TBRG1: variants seen among roughly 807,000 people sequenced by gnomAD.
The protein encoded by TBRG1 is nuclear interactor of ARF and MDM2.
TBRG1 carries 31 observed loss-of-function variants against 44.0 expected under a neutral mutation model. The observed-to-expected ratio is 0.70, with a 90% CI of 0.53 to 0.95. The LOEUF (loss-of-function observed/expected upper bound fraction) is 0.95. TBRG1 is among the 40% of genes least tolerant of loss of function. The pLI is 0.00. For missense variants in TBRG1, 487 were observed against 496.1 expected, an observed-to-expected ratio of 0.98 and a Z score of 0.18; for synonymous variants, 171 against 188.1, an observed-to-expected ratio of 0.91 and a Z score of 0.74.
At chr11:124,632,035 A>C in intron 8 of TBRG1, 58 bp from the exon 9 acceptor site, 1 of 1,555,560 alleles carries the variant, frequency 6.4e-7, no homozygotes, top group Non-Finnish European at 8.8e-7. Flanking sequence ...ATGTCTGACC[A>C]AAACAGTCTG....
intron 1 of TBRG1, chr11:124,623,586 A>G (rs1157454063): frequency 5.4e-6 from 2 of 370,528 alleles, no homozygotes; most frequent in East Asian, 1.4e-4. Flanking sequence ...TTATTTGTAA[A>G]ATGAGAACAC....
chr11:124,623,715 A>G (rs925756244), intron 1 of TBRG1, among the ~76,000 whole-genome samples: 9 of 152,196 alleles, frequency 5.9e-5, no homozygotes, highest in African/African-American at 2.2e-4. Flanking sequence ...AGCACCTCAA[A>G]TCCCCATAAC....
chr11:124,627,220 TG>T (rs1309442171), intron 5 of TBRG1, among the ~76,000 whole-genome samples, 170 bp downstream of exon 5: 1 of 152,246 alleles, frequency 6.6e-6, no homozygotes, highest in Non-Finnish European at 1.5e-5. Context: ...AATAAGTGGT[TG>T]AGTTTGGATG....
rs1443063570 is a variant in TBRG1, at chr11:124,625,666, C to G, written c.222-5C>G. The G allele has an allele frequency of 1.3e-6, 2 of 1,550,036 alleles. No homozygotes were observed. The highest frequency in any genetic ancestry group is 2.4e-5 in the South Asian group (2 of 83,650). On this transcript the variant is annotated splice_region_variant and splice_polypyrimidine_tract_variant and intron_variant, in intron 2 of 8. Transcript: ENST00000441174. ...TTTCTCTGCTCCTTTCCTTCCTGAT[C>G]TCAGGTACTTGCTAAAGAAGCTCCT...
chr11:124,631,944 A>G (rs1273019755), intron 8 of TBRG1, 149 bp from the exon 9 acceptor site: 1 of 649,012 alleles, frequency 1.5e-6, no homozygotes, highest in Non-Finnish European at 2.7e-6. Context: ...TCATTGTAAA[A>G]GTATCTGTCC....
At chr11:124,624,830 A>G (rs887600477) in intron 1 of TBRG1, 101 bp from the exon 2 acceptor site, 1 of 772,580 alleles carries the variant, frequency 1.3e-6, no homozygotes, top group Non-Finnish European at 2.2e-6. Context: ...TCTTCTCAGT[A>G]ATACAAGCTT....
At position 124,632,748 on chromosome 11, in the gene TBRG1, A is replaced by G. The variant is rs1170729510; in HGVS notation, c.*510A>G. ...AAGGCAGCTCTCCGGGGTCCCTTTT[A>G]TAAGATCACTAAGCCGGTTCATGAG... On this transcript the variant is annotated 3_prime_UTR_variant, in exon 9 of 9. Coordinates refer to ENST00000441174, the MANE Select transcript of TBRG1 (RefSeq NM_032811.3). The G allele has an allele frequency of 1.9e-5, 3 of 154,112 alleles. No individual in the cohort carries two copies. Among genetic ancestry groups the G allele is most frequent in the Non-Finnish European group, 4.3e-5 (3 of 69,538 alleles). The allele number at this position is 154,112 out of a possible 1,614,324, so 9.5% of individuals were successfully genotyped here.
At chr11:124,624,069 A>G (rs533803482) in intron 1 of TBRG1, among the ~76,000 whole-genome samples, 4 of 152,346 alleles carry the variant, frequency 2.6e-5, no homozygotes, top group African/African-American at 9.6e-5. Flanking sequence ...AGCACTTGCT[A>G]TGTGTATTGC....
rs780747608 is a variant in TBRG1 at position 124,630,800 on chromosome 11, C to T, written c.892C>T (p.His298Tyr). Residue 298 changes from histidine (H) to tyrosine (Y), a missense_variant, in exon 7 of 9, where the codon CAT becomes TAT. Transcript: ENST00000441174. ...TGGAGCTGACTTTTTTGGATTTTCT[C>T]ATCCAGCCATCCACAACCTGATCCA... ...PAGADFFGFSHPAIHNLIQSC... is the reference protein window; with the variant it reads ...PAGADFFGFSYPAIHNLIQSC... 4.4e-6 allele frequency: 7 copies of T among 1,606,590 alleles called. No individual in the cohort carries two copies. The highest frequency in any genetic ancestry group is 2.2e-5 in the East Asian group (1 of 44,724).
At position 124,632,174 on chromosome 11, in the gene TBRG1, T is replaced by C; in HGVS notation, c.1172T>C (p.Val391Ala). The change falls in exon 9 of 9, where the codon GTA becomes GCA. Residue 391 changes from valine to alanine, a missense_variant. By Grantham distance (64) the Val-to-Ala change is moderately conservative. Transcript: ENST00000441174. ...ATGTACCTGACACATGAACCCTTGG[T>C]AGATACTCACCTGCAGCACTTGAAG... ...QPMYLTHEPL[V>A]DTHLQHLKSP... 6.2e-7 allele frequency: 1 copy of C among 1,613,750 alleles called. No homozygotes were observed. Among genetic ancestry groups the C allele is most frequent in the South Asian group, 1.1e-5 (1 of 91,066 alleles).
At chr11:124,630,589 C>T (rs758428976) in intron 6 of TBRG1, 104 bp downstream of exon 6, 174 of 1,070,266 alleles carry the variant, frequency 1.6e-4, no homozygotes, top group Non-Finnish European at 2.4e-4. Flanking sequence ...TTTATAGAAA[C>T]CTATCCTGGA....
Position 124,632,254 on chromosome 11 carries a change from A to T in TBRG1, c.*16A>T, listed in dbSNP as rs570652322. 62 of 1,606,944 alleles carry T rather than the reference A, an allele frequency of 3.9e-5. No homozygotes were observed. Among genetic ancestry groups the T allele is most frequent in the Non-Finnish European group, 4.8e-5 (57 of 1,177,338 alleles). On this transcript the variant is annotated 3_prime_UTR_variant, in exon 9 of 9. Transcript: ENST00000441174. The stretch of plus-strand genomic sequence containing the variant: ...TTCAGATTGAACAAGAAGGGATCAG[A>T]TGCCACATCGTTTTTGTCGTGATTA...
intron 1 of TBRG1, among the ~76,000 whole-genome samples, chr11:124,623,830 A>G (rs541375777): frequency 6.6e-6 from 1 of 152,140 alleles, no homozygotes; most frequent in Non-Finnish European, 1.5e-5. Flanking sequence ...GAAGCACTGG[A>G]TTTATTGAGT....
At chr11:124,627,884 T>G (rs947412214) in intron 5 of TBRG1, among the ~76,000 whole-genome samples, 1 of 151,792 alleles carries the variant, frequency 6.6e-6, no homozygotes, top group African/African-American at 2.4e-5. Context: ...TAGTAGAAAT[T>G]GAAAAGCCGA....
At chr11:124,627,124 A>G in intron 5 of TBRG1, 74 bp downstream of exon 5, 1 of 1,053,298 alleles carries the variant, frequency 9.5e-7, no homozygotes. Flanking sequence ...ACCTGTTCTG[A>G]TACCTTACAA....
At chr11:124,629,349 GAAAAA>G (rs1565401150) in intron 5 of TBRG1, among the ~76,000 whole-genome samples, 5 of 151,428 alleles carry the variant, frequency 3.3e-5, no homozygotes, top group Non-Finnish European at 7.4e-5. Context: ...AAAAAAAAAA[GAAAAA>G]GAAAAAAGAA....
At chr11:124,629,342 A>G (rs1337868724) in intron 5 of TBRG1, among the ~76,000 whole-genome samples, 1 of 152,180 alleles carries the variant, frequency 6.6e-6, no homozygotes, top group Admixed American at 6.5e-5. Context: ...CCATCTCAAA[A>G]AAAAAAGAAA....
At chr11:124,631,700 C>G in intron 8 of TBRG1, 1 of 490,596 alleles carries the variant, frequency 2.0e-6, no homozygotes, top group East Asian at 3.8e-5. Flanking sequence ...AGCAGAACAC[C>G]AGGGGAAAGT....
intron 7 of TBRG1, 77 bp from the exon 8 acceptor site, chr11:124,631,198 C>G: frequency 1.4e-6 from 2 of 1,386,266 alleles, no homozygotes; most frequent in Non-Finnish European, 1.9e-6. Flanking sequence ...GAAAAATTAC[C>G]TGATCCCTTT....
Sources: allele counts gnomAD v4.1 joint callset (sites outside exome capture counted in the v4.1 genomes callset), GRCh38; gene constraint gnomAD v4.1.1; transcripts MANE v1.5; gene names NCBI Gene and HGNC (gene_info 2026-07-23, HGNC 2026-07-21).